The following C10orf90 variants were observed in gnomAD, a reference collection of about 807,000 sequenced individuals.
C10orf90 encodes (E2-independent) E3 ubiquitin-conjugating enzyme FATS.
A neutral mutation model predicts 62.5 loss-of-function variants in C10orf90; 56 were observed. The observed-to-expected ratio is 0.90, with a 90% CI of 0.72 to 1.12. The LOEUF (loss-of-function observed/expected upper bound fraction) is 1.12, where lower values mean the gene tolerates loss of function less well. Among genes scored for constraint, C10orf90 ranks in the 50% most tolerant of loss-of-function variants. The pLI, the probability that C10orf90 is intolerant of heterozygous loss-of-function variation, is 0.00. For missense variants in C10orf90, 970 were observed against 880.4 expected (o/e 1.10, Z -1.29); for synonymous variants, 386 against 340.4 (o/e 1.13, Z -1.47).
intron 7 of C10orf90, among the ~76,000 whole-genome samples, chr10:126,444,754 C>T (rs775939426): frequency 5.3e-5 from 8 of 152,208 alleles, no homozygotes; most frequent in Admixed American, 1.3e-4. Flanking sequence ...AGGCATCACA[C>T]TACCTGATTT....
rs1310112029 is a variant in C10orf90 at position 126,464,753 on chromosome 10, C to A, written c.1768G>T (p.Val590Leu). 6.2e-7 allele frequency: 1 copy of A among 1,614,026 alleles called. No individual in the cohort carries two copies. The highest frequency in any genetic ancestry group is 8.5e-7 in the Non-Finnish European group (1 of 1,180,036). ...FPGFLCPLQD[V>L]CASLQEDNGV... Reference sequence around the variant, plus strand: ...TTGTCTTCCTGCAGAGATGCACATACATCTTGTAAGGGGCAAAGAAACCCA... The same window carrying A: ...TTGTCTTCCTGCAGAGATGCACATAAATCTTGTAAGGGGCAAAGAAACCCA... Residue 590 changes from valine to leucine, a missense_variant, in exon 5 of 10, where the codon GTA becomes TTA. Physicochemically the swap from Val to Leu is conservative, Grantham distance 32. Transcript: ENST00000488181.
intron 2 of C10orf90, among the ~76,000 whole-genome samples, chr10:126,561,883 A>C (rs1043009116): frequency 3.3e-5 from 5 of 152,214 alleles, no homozygotes; most frequent in African/African-American, 1.2e-4. Context: ...TTTGGAAGTT[A>C]AGTTAGAAAG....
intron 1 of C10orf90, among the ~76,000 whole-genome samples, chr10:126,664,201 T>C (rs887248067): frequency 1.2e-4 from 19 of 152,140 alleles, no homozygotes; most frequent in Admixed American, 2.0e-4. Flanking sequence ...GTCATAAGTC[T>C]CTGTGACCTG....
At chr10:126,486,450 A>C (rs2133819819) in intron 4 of C10orf90, among the ~76,000 whole-genome samples, 1 of 152,374 alleles carries the variant, frequency 6.6e-6, no homozygotes. Flanking sequence ...AAACAACTTA[A>C]GCAAAAGTCA....
chr10:126,620,474 C>A (rs1019538543), intron 2 of C10orf90, among the ~76,000 whole-genome samples: 1 of 152,140 alleles, frequency 6.6e-6, no homozygotes, highest in Non-Finnish European at 1.5e-5. Flanking sequence ...TTAAAATTCA[C>A]GTTATCAATT....
At chr10:126,539,655 A>T (rs904243640) in intron 2 of C10orf90, among the ~76,000 whole-genome samples, 5 of 152,200 alleles carry the variant, frequency 3.3e-5, no homozygotes, top group Admixed American at 1.3e-4. Flanking sequence ...GAAATATAAT[A>T]CTTATTTTGT....
At chr10:126,436,907 T>A (rs528179350) in intron 7 of C10orf90, among the ~76,000 whole-genome samples, 4 of 152,232 alleles carry the variant, frequency 2.6e-5, no homozygotes, top group Non-Finnish European at 5.9e-5. Flanking sequence ...CAAGCTGTCC[T>A]CCCACCTCAG....
chr10:126,603,955 G>A (rs1432398075), intron 2 of C10orf90, among the ~76,000 whole-genome samples: 1 of 152,152 alleles, frequency 6.6e-6, no homozygotes, highest in South Asian at 2.1e-4. Context: ...CGACTCAAAG[G>A]TTGCAAAGAG....
At chr10:126,479,993 C>G (rs1861087090) in intron 4 of C10orf90, among the ~76,000 whole-genome samples, 1 of 152,162 alleles carries the variant, frequency 6.6e-6, no homozygotes, top group South Asian at 2.1e-4. Flanking sequence ...TATATCCCAT[C>G]TTTTCTTTGA....
At chr10:126,551,440 T>C (rs1428170249) in intron 2 of C10orf90, among the ~76,000 whole-genome samples, 1 of 152,190 alleles carries the variant, frequency 6.6e-6, no homozygotes, top group Non-Finnish European at 1.5e-5. Flanking sequence ...GTACACTTCA[T>C]AGTCTTTCAT....
chr10:126,571,173 A>G (rs1844497701), intron 2 of C10orf90, among the ~76,000 whole-genome samples: 1 of 152,260 alleles, frequency 6.6e-6, no homozygotes, highest in Non-Finnish European at 1.5e-5. Flanking sequence ...CAATGCACCC[A>G]GCTCCTGACC....
chr10:126,552,836 T>C (rs1417682223), intron 2 of C10orf90, among the ~76,000 whole-genome samples: 1 of 152,200 alleles, frequency 6.6e-6, no homozygotes, highest in Admixed American at 6.5e-5. Flanking sequence ...ATAAAACCAA[T>C]ATCTATATCT....
At position 126,459,145 on chromosome 10, in the gene C10orf90, C is replaced by A. The variant is rs777878814; in HGVS notation, c.2083G>T (p.Val695Phe). Residue 695 changes from valine to phenylalanine, a missense_variant, in exon 7 of 10, where the codon GTC becomes TTC. Coordinates refer to ENST00000488181, the MANE Select transcript of C10orf90 (RefSeq NM_001350921.2). ...QERLKKLEHM[V>F]QQRKAQRKED... ...TTCCGCTGGGCTTTCCTCTGCTGGACCATGTGTTCAAGCTTCTTCAGCCGT... is the reference window on the plus strand; with the variant it reads ...TTCCGCTGGGCTTTCCTCTGCTGGAACATGTGTTCAAGCTTCTTCAGCCGT... 6.2e-7 allele frequency: 1 copy of A among 1,614,086 alleles called. No homozygotes were observed. Among genetic ancestry groups the A allele is most frequent in the East Asian group, 2.2e-5 (1 of 44,890 alleles).
At chr10:126,605,931 AAAAAG>A (rs1406174748) in intron 2 of C10orf90, among the ~76,000 whole-genome samples, 2 of 150,598 alleles carry the variant, frequency 1.3e-5, no homozygotes, top group Admixed American at 6.6e-5. Flanking sequence ...GCAGCACTAA[AAAAAG>A]AAAAGACTGT....
chr10:126,591,186 AG>A (rs1844972097), intron 2 of C10orf90, among the ~76,000 whole-genome samples: 1 of 152,192 alleles, frequency 6.6e-6, no homozygotes, highest in African/African-American at 2.4e-5. Context: ...CTCCTCACTA[AG>A]TCATGTTATG....
At chr10:126,539,640 CA>C (rs776854383) in intron 2 of C10orf90, among the ~76,000 whole-genome samples, 7 of 151,968 alleles carry the variant, frequency 4.6e-5, no homozygotes, top group Middle Eastern at 3.2e-3. Context: ...TTTAATAAAG[CA>C]AAAGAAATAT....
At chr10:126,613,748 G>A (rs1009400527) in intron 2 of C10orf90, among the ~76,000 whole-genome samples, 4 of 152,200 alleles carry the variant, frequency 2.6e-5, no homozygotes, top group Non-Finnish European at 4.4e-5. Flanking sequence ...AAATTCACAA[G>A]CACGTGACCT....
chr10:126,588,305 C>A (rs1844913924), intron 2 of C10orf90, among the ~76,000 whole-genome samples: 1 of 152,242 alleles, frequency 6.6e-6, no homozygotes, highest in Admixed American at 6.5e-5. Flanking sequence ...GTTCCCCCAG[C>A]ATGGTGCACC....
intron 4 of C10orf90, among the ~76,000 whole-genome samples, chr10:126,490,530 A>G (rs1428288705): frequency 6.6e-6 from 1 of 152,132 alleles, no homozygotes; most frequent in African/African-American, 2.4e-5. Flanking sequence ...CAAGATGAAA[A>G]GAGTTCTGGA....
Sources: allele counts gnomAD v4.1 joint callset (sites outside exome capture counted in the v4.1 genomes callset), GRCh38; gene constraint gnomAD v4.1.1; transcripts MANE v1.5; gene names NCBI Gene and HGNC (gene_info 2026-07-23, HGNC 2026-07-21).